The following ATP8A2 variants were observed in gnomAD, a reference collection of about 807,000 sequenced individuals.
The protein encoded by ATP8A2 is phospholipid-transporting ATPase IB.
In ATP8A2, 100 loss-of-function variants were observed where a neutral mutation model predicts 165.6. The observed-to-expected ratio is 0.60, with a 90% CI of 0.51 to 0.71. ATP8A2 has a LOEUF of 0.71. Ranked by LOEUF, ATP8A2 falls within the 30% of genes least tolerant of loss-of-function variation. The pLI, the probability that ATP8A2 is intolerant of heterozygous loss-of-function variation, is 0.00. For missense variants in ATP8A2, 1,227 were observed against 1,479.5 expected, an observed-to-expected ratio of 0.83 and a Z score of 2.80; for synonymous variants, 543 against 548.8, an observed-to-expected ratio of 0.99 and a Z score of 0.15.
rs116771713 is a variant in ATP8A2 at position 25,427,174 on chromosome 13, C to T, written c.77-41803C>T. Among the ~76,000 whole-genome samples the T allele has an allele frequency of 9.9e-3, 1,511 of 152,194 alleles. 31 individuals are homozygous for T. Among genetic ancestry groups the T allele is most frequent in the African/African-American group, 0.034 (1,408 of 41,522 alleles). On this transcript the variant is annotated intron_variant, in intron 1 of 36. Transcript: ENST00000381655. ...GTGAAGCCTTATCTGTATTTACAGCCGCTCCCCATAGCTCCCCATTACTGC... is the reference window on the plus strand; with the variant it reads ...GTGAAGCCTTATCTGTATTTACAGCTGCTCCCCATAGCTCCCCATTACTGC...
chr13:25,777,299 A>G (rs1459724464), intron 27 of ATP8A2, among the ~76,000 whole-genome samples: 4 of 152,224 alleles, frequency 2.6e-5, no homozygotes, highest in African/African-American at 9.6e-5. Context: ...GGCAGAGCCT[A>G]CCTACCACTG....
At chr13:25,458,869 G>A (rs2035432417) in intron 1 of ATP8A2, among the ~76,000 whole-genome samples, 2 of 152,170 alleles carry the variant, frequency 1.3e-5, no homozygotes, top group African/African-American at 4.8e-5. Flanking sequence ...GACCTCGCTT[G>A]GTAGGGTTGT....
At chr13:25,881,867 C>G (rs191800297) in intron 33 of ATP8A2, among the ~76,000 whole-genome samples, 14 of 152,276 alleles carry the variant, frequency 9.2e-5, no homozygotes, top group African/African-American at 2.4e-4. Context: ...TTTAACTAAG[C>G]CCCAGGTAAT....
chr13:25,499,720 A>T (rs754373055), intron 2 of ATP8A2, among the ~76,000 whole-genome samples: 1 of 152,220 alleles, frequency 6.6e-6, no homozygotes, highest in African/African-American at 2.4e-5. Context: ...ATTTTATTTA[A>T]TATTTGTGGA....
chr13:25,956,991 G>C (rs1955539370), intron 33 of ATP8A2, among the ~76,000 whole-genome samples: 1 of 152,164 alleles, frequency 6.6e-6, no homozygotes, highest in African/African-American at 2.4e-5. Flanking sequence ...TCTGGTCTTT[G>C]ACAAACCTGA....
intron 2 of ATP8A2, among the ~76,000 whole-genome samples, chr13:25,475,787 T>A (rs1378126547): frequency 6.6e-6 from 1 of 152,238 alleles, no homozygotes; most frequent in East Asian, 1.9e-4. Flanking sequence ...ATTTTTTTCA[T>A]ATGTTTGTTG....
At chr13:25,505,867 G>A (rs1468136837) in intron 2 of ATP8A2, among the ~76,000 whole-genome samples, 1 of 152,044 alleles carries the variant, frequency 6.6e-6, no homozygotes, top group African/African-American at 2.4e-5. Flanking sequence ...TCCTATACAG[G>A]CATTCTTTCT....
At chr13:25,571,554 CAG>C in intron 17 of ATP8A2, 54 bp from the exon 18 acceptor site, 1 of 1,347,116 alleles carries the variant, frequency 7.4e-7, no homozygotes, top group Non-Finnish European at 1.1e-6. Context: ...TGACACTAAA[CAG>C]AATTCTGTCA....
intron 26 of ATP8A2, among the ~76,000 whole-genome samples, chr13:25,771,263 G>A (rs936711168): frequency 1.3e-5 from 2 of 152,140 alleles, no homozygotes; most frequent in Admixed American, 6.5e-5. Flanking sequence ...GAAAACAACG[G>A]ACCTGAGTGT....
chr13:26,000,486 CTG>C (rs1956611090), intron 35 of ATP8A2, among the ~76,000 whole-genome samples: 1 of 152,146 alleles, frequency 6.6e-6, no homozygotes, highest in Non-Finnish European at 1.5e-5. Context: ...CTTCCTGAGA[CTG>C]ATCATTTTTT....
At chr13:25,481,186 A>T (rs1253845887) in intron 2 of ATP8A2, among the ~76,000 whole-genome samples, 6 of 130,652 alleles carry the variant, frequency 4.6e-5, no homozygotes, top group Non-Finnish European at 8.4e-5. Context: ...AGGGAGAGGG[A>T]GAGGGACAGG....
At chr13:25,824,135 T>C (rs1332074994) in intron 27 of ATP8A2, among the ~76,000 whole-genome samples, 5 of 152,160 alleles carry the variant, frequency 3.3e-5, no homozygotes, top group Admixed American at 3.3e-4. Flanking sequence ...CACGCCTGGC[T>C]AATGTTTGTA....
At chr13:25,931,526 C>A (rs1029546431) in intron 33 of ATP8A2, among the ~76,000 whole-genome samples, 9 of 152,242 alleles carry the variant, frequency 5.9e-5, no homozygotes, top group Middle Eastern at 6.8e-3. Flanking sequence ...TCCCCCACCC[C>A]CCTCGACTGA....
rs1467476209 is a variant in ATP8A2 at position 26,021,660 on chromosome 13, G to C, written c.*1675G>C. On this transcript the variant is annotated 3_prime_UTR_variant, in exon 37 of 37. Transcript: ENST00000381655. The stretch of plus-strand genomic sequence containing the variant: ...CTCTGGTTGCCAAACCAGATTTTTG[G>C]ATGGCCTAAATACTTGTGGGCAACT... The C allele has an allele frequency of 6.6e-6, 1 of 152,156 alleles. No individual in the cohort carries two copies. Among genetic ancestry groups the C allele is most frequent in the Non-Finnish European group, 1.5e-5 (1 of 68,038 alleles). The allele number at this position is 152,156 out of a possible 1,614,324, so 9.4% of individuals were successfully genotyped here.
At chr13:25,439,601 A>G (rs2034875184) in intron 1 of ATP8A2, among the ~76,000 whole-genome samples, 1 of 152,104 alleles carries the variant, frequency 6.6e-6, no homozygotes, top group African/African-American at 2.4e-5. Flanking sequence ...GGGGACTTAT[A>G]TATGTTTTCT....
chr13:25,902,970 C>CACACACACACACGT (rs1953805934), intron 33 of ATP8A2, among the ~76,000 whole-genome samples: 1 of 151,744 alleles, frequency 6.6e-6, no homozygotes, highest in Admixed American at 6.6e-5. Flanking sequence ...CACACACACA[C>CACACACACACACGT]ACGTAAATGC....
chr13:25,891,456 G>T (rs948949751), intron 33 of ATP8A2, among the ~76,000 whole-genome samples: 1 of 152,090 alleles, frequency 6.6e-6, no homozygotes, highest in African/African-American at 2.4e-5. Context: ...CCAAACAGCT[G>T]GGATTACAGG....
chr13:25,383,200 C>T (rs537517910), intron 1 of ATP8A2, among the ~76,000 whole-genome samples: 18 of 152,026 alleles, frequency 1.2e-4, no homozygotes, highest in African/African-American at 4.3e-4. Flanking sequence ...CGTGCACCAC[C>T]ATGCCCAGCT....
intron 24 of ATP8A2, among the ~76,000 whole-genome samples, chr13:25,598,957 C>T (rs1355701311): frequency 6.6e-6 from 1 of 152,090 alleles, no homozygotes; most frequent in East Asian, 1.9e-4. Context: ...TGCCTAAGAC[C>T]CCAAGTGTTC....
Sources: gnomAD v4.1 joint callset for allele counts (sites outside exome capture counted in the v4.1 genomes callset) on GRCh38, gnomAD v4.1.1 for gene constraint, MANE v1.5 for transcripts, NCBI Gene and HGNC (gene_info 2026-07-23, HGNC 2026-07-21) for gene names.